The following CERS3 variants were observed in gnomAD, a reference collection of about 807,000 sequenced individuals.
The protein encoded by CERS3 is LAG1 homolog, ceramide synthase 3.
In CERS3, 33 loss-of-function variants were observed where a neutral mutation model predicts 50.3. That is an observed-to-expected ratio of 0.66 (90% CI 0.50 to 0.88). CERS3 has a LOEUF of 0.88. Among genes scored for constraint, CERS3 ranks in the 40% least tolerant of loss-of-function variants. CERS3 has a pLI of 0.00. For missense variants in CERS3, 470 were observed against 460.3 expected (o/e 1.02, Z -0.19); for synonymous variants, 176 against 155.2 (o/e 1.13, Z -0.99).
At chr15:100,417,748 T>C (rs1300549459) in intron 11 of CERS3, among the ~76,000 whole-genome samples, 2 of 151,862 alleles carry the variant, frequency 1.3e-5, no homozygotes, top group African/African-American at 4.9e-5. Context: ...ACGGGCAGAC[T>C]GCCTCCTCAA....
At chr15:100,468,951 G>C (rs1180310660) in intron 10 of CERS3, among the ~76,000 whole-genome samples, 1 of 152,170 alleles carries the variant, frequency 6.6e-6, no homozygotes, top group African/African-American at 2.4e-5. Flanking sequence ...GTGTAGACTA[G>C]AGCCAAGATA....
chr15:100,479,499 A>G, intron 6 of CERS3, 21 bp from the exon 7 acceptor site: 2 of 1,571,542 alleles, frequency 1.3e-6, no homozygotes, highest in Admixed American at 1.9e-5. Flanking sequence ...AAAAAAAAAA[A>G]GAGCCAACAG....
rs183777823 is a variant in CERS3 at position 100,401,723 on chromosome 15, A to G, written c.*990T>C. ...AGGCTCAGCAAGCAACCTGGCCTGG[A>G]TCCCATTCCCCCGTGGAGGTCCCCA... On this transcript the variant is annotated 3_prime_UTR_variant, in exon 12 of 12. Coordinates refer to ENST00000679737, the MANE Select transcript of CERS3 (RefSeq NM_001378789.1). 1 of 152,490 alleles carries G rather than the reference A, an allele frequency of 6.6e-6. No individual in the cohort carries two copies. Among genetic ancestry groups the G allele is most frequent in the East Asian group, 1.9e-4 (1 of 5,152 alleles). The allele number at this position is 152,490 out of a possible 1,614,324, so 9.4% of individuals were successfully genotyped here.
intron 11 of CERS3, among the ~76,000 whole-genome samples, chr15:100,415,232 C>G (rs1328702823): frequency 6.6e-6 from 1 of 152,232 alleles, no homozygotes; most frequent in Non-Finnish European, 1.5e-5. Context: ...GATACCATCT[C>G]ACACCAGTCA....
intron 1 of CERS3, among the ~76,000 whole-genome samples, chr15:100,525,012 T>G (rs1480614029): frequency 6.6e-6 from 1 of 152,220 alleles, no homozygotes; most frequent in East Asian, 1.9e-4. Context: ...AGCTCCTTAA[T>G]GTAATATTTT....
chr15:100,413,071 T>A (rs2142063029), intron 11 of CERS3, among the ~76,000 whole-genome samples: 1 of 152,292 alleles, frequency 6.6e-6, no homozygotes, highest in Non-Finnish European at 1.5e-5. Context: ...TGCCAGACTG[T>A]GTGGTGATCA....
chr15:100,449,400 C>G (rs1276922470), intron 11 of CERS3, among the ~76,000 whole-genome samples: 2 of 152,224 alleles, frequency 1.3e-5, no homozygotes, highest in African/African-American at 4.8e-5. Context: ...CAACCTACCT[C>G]CTGCCCCATC....
chr15:100,528,484 C>T (rs1355469205), intron 1 of CERS3, among the ~76,000 whole-genome samples: 2 of 152,114 alleles, frequency 1.3e-5, no homozygotes, highest in African/African-American at 4.8e-5. Flanking sequence ...TTCTTCCTAA[C>T]CCTCAATGAA....
At position 100,429,838 on chromosome 15, in the gene CERS3, A is replaced by G. The variant is rs577493785; in HGVS notation, c.999+26055T>C. Among the ~76,000 whole-genome samples the G allele has an allele frequency of 1.6e-4, 25 of 152,268 alleles. 1 individual carries two copies. In the East Asian group the frequency reaches 4.8e-3, roughly 29 times the overall value. The stretch of plus-strand genomic sequence containing the variant: ...ACCAGCATCACTCAATTAATACACA[A>G]ATTCCCACCACTTTAATCTCCACCA... On this transcript the variant is annotated intron_variant, in intron 11 of 11. Transcript: ENST00000679737.
chr15:100,495,214 T>G (rs2035774315), intron 3 of CERS3, among the ~76,000 whole-genome samples: 1 of 152,216 alleles, frequency 6.6e-6, no homozygotes, highest in African/African-American at 2.4e-5. Context: ...GCAGCCAGGT[T>G]GCTAGTTTCC....
intron 11 of CERS3, among the ~76,000 whole-genome samples, chr15:100,416,677 T>G (rs1240242522): frequency 6.6e-6 from 1 of 152,100 alleles, no homozygotes; most frequent in African/African-American, 2.4e-5. Context: ...CCATCAGATC[T>G]CATGAGAACT....
chr15:100,417,835 C>T (rs924865641), intron 11 of CERS3, among the ~76,000 whole-genome samples: 2 of 151,834 alleles, frequency 1.3e-5, no homozygotes, highest in African/African-American at 2.4e-5. Flanking sequence ...ACACCTCACA[C>T]AGCAGGGTAT....
chr15:100,489,130 C>A (rs1284559251), intron 4 of CERS3, among the ~76,000 whole-genome samples: 1 of 152,102 alleles, frequency 6.6e-6, no homozygotes. Flanking sequence ...TTTATTAAAC[C>A]ATACTGTAAT....
chr15:100,531,712 G>A (rs1458950932), upstream of CERS3, among the ~76,000 whole-genome samples: 3 of 152,174 alleles, frequency 2.0e-5, no homozygotes, highest in Non-Finnish European at 4.4e-5. Context: ...ATGCACGTGG[G>A]TATCATTTCT....
At chr15:100,531,761 G>T (rs146104968), upstream of CERS3, among the ~76,000 whole-genome samples, 1 of 152,130 alleles carries the variant, frequency 6.6e-6, no homozygotes, top group East Asian at 1.9e-4. Context: ...ATGAGAAAAC[G>T]GAAGCAGTGA....
intron 2 of CERS3, among the ~76,000 whole-genome samples, chr15:100,502,828 G>A (rs933401727): frequency 3.3e-5 from 5 of 151,932 alleles, no homozygotes; most frequent in Non-Finnish European, 7.4e-5. Context: ...AACGTATACA[G>A]GTTGCTGTGG....
rs964735412 is a variant in CERS3 at position 100,455,929 on chromosome 15, G to A, written c.963C>T (p.Tyr321=). The change falls in exon 11 of 12, where the codon TAC becomes TAT. Residue 321 remains tyrosine (Y), a synonymous_variant. Transcript: ENST00000679737. The stretch of plus-strand genomic sequence containing the variant: ...TACATCTGTTGAGCATCTTCAAGAT[G>A]TAATAACCCCAGTAAAGGTGAAGGA... ...LQVLHLYWGY[Y]ILKMLNRCIF... 4 of 1,612,672 alleles carry A rather than the reference G, an allele frequency of 2.5e-6. No homozygotes were observed. Among genetic ancestry groups the A allele is most frequent in the African/African-American group, 2.7e-5 (2 of 74,962 alleles).
chr15:100,465,270 C>T (rs969738715), intron 10 of CERS3, among the ~76,000 whole-genome samples: 1 of 152,132 alleles, frequency 6.6e-6, no homozygotes, highest in African/African-American at 2.4e-5. Context: ...CTATGATCTG[C>T]ACATTGCTTG....
intron 11 of CERS3, among the ~76,000 whole-genome samples, chr15:100,448,720 C>G (rs1325893411): frequency 1.3e-5 from 2 of 152,244 alleles, no homozygotes; most frequent in African/African-American, 4.8e-5. Context: ...ACTGCTGTGG[C>G]TGGCTGTTGC....
Sources: allele counts gnomAD v4.1 joint callset (sites outside exome capture counted in the v4.1 genomes callset), GRCh38; gene constraint gnomAD v4.1.1; transcripts MANE v1.5; gene names NCBI Gene and HGNC (gene_info 2026-07-23, HGNC 2026-07-21).